TTLL12: variants seen among roughly 807,000 people sequenced by gnomAD.
TTLL12 encodes the protein tubulin--tyrosine ligase-like protein 12.
Under a neutral mutation model 79.6 loss-of-function variants are expected in TTLL12, and 77 were observed. The observed-to-expected ratio is 0.97, with a 90% CI of 0.81 to 1.17. The LOEUF is 1.17. TTLL12 is among the 50% of genes most tolerant of loss of function. TTLL12 has a pLI of 0.00. For missense variants in TTLL12, 969 were observed against 895.9 expected (o/e 1.08, Z -1.04); for synonymous variants, 437 against 376.1 (o/e 1.16, Z -1.87).
At chr22:43,173,047 C>T (rs1373784148) in intron 9 of TTLL12, among the ~76,000 whole-genome samples, 1 of 152,132 alleles carries the variant, frequency 6.6e-6, no homozygotes, top group Non-Finnish European at 1.5e-5. Context: ...AAATTCTCAC[C>T]CATAATTCCA....
rs754824961 is a variant in TTLL12, at chr22:43,173,822, C to T, written c.1234G>A (p.Glu412Lys). The T allele has an allele frequency of 5.6e-6, 9 of 1,602,744 alleles. No individual in the cohort carries two copies. The highest frequency in any genetic ancestry group is 3.3e-5 in the South Asian group (3 of 90,970). The change falls in exon 9 of 14, where the codon GAG (glutamate) becomes AAG (lysine). Residue 412 changes from glutamate (E) to lysine (K), a missense_variant. Physicochemically the swap from Glu to Lys is moderately conservative, Grantham distance 56. Transcript: ENST00000216129. ...GGCTTGCAGATCCAGTGGTTGTCCT[C>T]GCCCCTGGGGAGCAGAAGGGCTGTC... Reference protein sequence around the residue: ...SYFQQRERWGEDNHWICKPWN... With the variant: ...SYFQQRERWGKDNHWICKPWN...
chr22:43,182,751 G>A (rs1423916648), intron 2 of TTLL12, among the ~76,000 whole-genome samples: 2 of 152,220 alleles, frequency 1.3e-5, no homozygotes, highest in Non-Finnish European at 2.9e-5. Flanking sequence ...TGAGACCGCT[G>A]GGAGAGGCTC....
At chr22:43,175,980 G>A (rs559018212) in intron 6 of TTLL12, among the ~76,000 whole-genome samples, 1 of 151,250 alleles carries the variant, frequency 6.6e-6, no homozygotes, top group African/African-American at 2.4e-5. Context: ...GAACCACTAT[G>A]CCTGGCCTCA....
rs182503288 is a variant in TTLL12, at chr22:43,178,479, G to A, written c.840+1140C>T. Among the ~76,000 whole-genome samples, 488 of 152,130 alleles carry A rather than the reference G, an allele frequency of 3.2e-3. 8 individuals are homozygous for A. Among genetic ancestry groups the A allele is most frequent in the Admixed American group, 0.026 (397 of 15,282 alleles). On this transcript the variant is annotated intron_variant, in intron 5 of 13. Transcript: ENST00000216129. ...TGGGACTACAGGTGCCCGCCACCAC[G>A]CCCAGCTAATTTTTTATATTTTTAG...
At chr22:43,174,695 C>CT in intron 6 of TTLL12, 80 bp from the exon 7 acceptor site, 1 of 1,010,410 alleles carries the variant, frequency 9.9e-7, no homozygotes, top group Admixed American at 2.2e-5. Context: ...GGCTCAGGGA[C>CT]TCCCTTCCCT....
At chr22:43,176,504 T>C (rs1294590237) in intron 5 of TTLL12, 108 bp from the exon 6 acceptor site, 4 of 864,616 alleles carry the variant, frequency 4.6e-6, no homozygotes, top group Admixed American at 4.0e-5. Flanking sequence ...GTGAGGCAGG[T>C]GGATCACGTG....
Position 43,168,921 on chromosome 22 carries a change from C to G in TTLL12, c.1645-9G>C. ...GCCCGGAAGATCTCAGCCTGGGGAC[C>G]GGGGAGCCTGAGTTACGAGGCCTGC... On this transcript the variant is annotated splice_polypyrimidine_tract_variant and intron_variant, in intron 12 of 13. Transcript: ENST00000216129. 1 of 1,606,648 alleles carries G rather than the reference C, an allele frequency of 6.2e-7. No individual in the cohort carries two copies. The highest frequency in any genetic ancestry group is 8.5e-7 in the Non-Finnish European group (1 of 1,176,510).
intron 12 of TTLL12, 85 bp from the exon 13 acceptor site, chr22:43,168,997 C>G (rs191747825): frequency 0.013 from 19,599 of 1,474,382 alleles, 167 homozygotes; most frequent in Admixed American, 0.03. Context: ...AAGTCCCGGG[C>G]CCCACGTGGC....
At chr22:43,181,399 C>T (rs545484478) in intron 2 of TTLL12, among the ~76,000 whole-genome samples, 105 of 152,362 alleles carry the variant, frequency 6.9e-4, no homozygotes, top group African/African-American at 2.5e-3. Flanking sequence ...TCAACAAAAG[C>T]AAAGGCCCTA....
chr22:43,182,903 C>T, intron 2 of TTLL12, 77 bp downstream of exon 2: 3 of 1,537,490 alleles, frequency 2.0e-6, no homozygotes, highest in Non-Finnish European at 2.6e-6. Flanking sequence ...GTGCAGGGCC[C>T]AGGAGAATCT....
intron 11 of TTLL12, among the ~76,000 whole-genome samples, chr22:43,170,890 G>A (rs1201625764): frequency 6.6e-6 from 1 of 152,140 alleles, no homozygotes; most frequent in African/African-American, 2.4e-5. Flanking sequence ...CTCCAGCCTG[G>A]GTGACAGCGT....
chr22:43,174,134 G>A, intron 8 of TTLL12, 75 bp downstream of exon 8: 2 of 1,517,684 alleles, frequency 1.3e-6, no homozygotes, highest in Non-Finnish European at 1.8e-6. Context: ...GGTGCTCATG[G>A]AGGAGCAGGC....
In TTLL12 at chr22:43,174,218, C is replaced by T. The variant is rs756026859; in HGVS notation, c.1220G>A (p.Arg407Gln). ...CGTGTCTGGGACTTACCACCTTTCCCGCTGCTGGAAGTAGCTGACAAACTG... is the reference window on the plus strand; with the variant it reads ...CGTGTCTGGGACTTACCACCTTTCCTGCTGCTGGAAGTAGCTGACAAACTG... ...LPQFVSYFQQRERWGEDNHWI... is the reference protein window; with the variant it reads ...LPQFVSYFQQQERWGEDNHWI... Residue 407 changes from arginine to glutamine, a missense_variant, in exon 8 of 14, where the codon CGG becomes CAG. Physicochemically the swap from Arg to Gln is conservative, Grantham distance 43. Coordinates refer to ENST00000216129, the MANE Select transcript of TTLL12 (RefSeq NM_015140.4). The T allele has an allele frequency of 5.4e-5, 86 of 1,602,548 alleles. No individual in the cohort carries two copies. The highest frequency in any genetic ancestry group is 6.4e-5 in the Non-Finnish European group (75 of 1,179,800).
chr22:43,170,057 CA>C, intron 11 of TTLL12: 11 of 359,322 alleles, frequency 3.1e-5, no homozygotes, highest in South Asian at 2.1e-4. Context: ...AGACTTTACC[CA>C]AAACACACCC....
intron 3 of TTLL12, among the ~76,000 whole-genome samples, chr22:43,180,321 T>A (rs1004862952): frequency 2.0e-5 from 3 of 152,018 alleles, no homozygotes; most frequent in Non-Finnish European, 4.4e-5. Context: ...GTCTTTGAGC[T>A]CAGGGAAGGG....
At chr22:43,170,244 C>T (rs766767217) in intron 11 of TTLL12, 6 of 279,036 alleles carry the variant, frequency 2.2e-5, no homozygotes, top group East Asian at 9.6e-5. Context: ...AACCTGAGGG[C>T]GACTTCCAAC....
At chr22:43,178,266 C>A (rs1337357863) in intron 5 of TTLL12, among the ~76,000 whole-genome samples, 1 of 151,170 alleles carries the variant, frequency 6.6e-6, no homozygotes, top group African/African-American at 2.4e-5. Context: ...CCACAGCCCA[C>A]CCCTGCAATC....
chr22:43,184,591 C>T (rs1163137649), intron 1 of TTLL12, among the ~76,000 whole-genome samples: 1 of 152,240 alleles, frequency 6.6e-6, no homozygotes, highest in Non-Finnish European at 1.5e-5. Flanking sequence ...ACATGAGAGA[C>T]AAGGCACCTG....
Position 43,176,310 on chromosome 22 carries a change from G to A in TTLL12, c.917+10C>T, listed in dbSNP as rs765002242. On this transcript the variant is annotated intron_variant, in intron 6 of 13. Coordinates refer to ENST00000216129, the MANE Select transcript of TTLL12 (RefSeq NM_015140.4). ...AGTCCCAGCCCAAGCAGTGGGGGGG[G>A]GCTACGCACTTGAAGATGTGGCCGT... 5 of 1,579,174 alleles carry A rather than the reference G, an allele frequency of 3.2e-6. No individual in the cohort carries two copies. The highest frequency in any genetic ancestry group is 1.7e-4 in the Middle Eastern group (1 of 6,006).
Sources: allele counts gnomAD v4.1 joint callset (sites outside exome capture counted in the v4.1 genomes callset), GRCh38; gene constraint gnomAD v4.1.1; transcripts MANE v1.5; gene names NCBI Gene and HGNC (gene_info 2026-07-23, HGNC 2026-07-21).